Variants in FOXO1 observed in about 807,000 individuals in gnomAD.
FOXO1 encodes the protein forkhead box O1, also known as forkhead box protein O1.
Under a neutral mutation model 44.1 loss-of-function variants are expected in FOXO1, and 6 were observed. The ratio of observed to expected loss-of-function variants is 0.14; its 90% CI spans 0.07 to 0.27. The LOEUF (loss-of-function observed/expected upper bound fraction) is 0.27, where lower values mean the gene tolerates loss of function less well. Ranked by LOEUF, FOXO1 falls within the 10% of genes least tolerant of loss-of-function variation. The probability of loss-of-function intolerance (pLI) is 1.00; values close to 1 mark genes in which losing one functional copy is unlikely to be tolerated. For missense variants in FOXO1, 737 were observed against 888.8 expected, an observed-to-expected ratio of 0.83 and a Z score of 2.17; for synonymous variants, 380 against 362.7, an observed-to-expected ratio of 1.05 and a Z score of -0.54.
At chr13:40,617,438 A>G (rs1452596732) in intron 1 of FOXO1, among the ~76,000 whole-genome samples, 1 of 151,594 alleles carries the variant, frequency 6.6e-6, no homozygotes, top group Non-Finnish European at 1.5e-5. Flanking sequence ...TCCGTCTCAA[A>G]AAAAAAAAAA....
chr13:40,636,108 G>A (rs1877139921), intron 1 of FOXO1, among the ~76,000 whole-genome samples: 1 of 152,132 alleles, frequency 6.6e-6, no homozygotes, highest in Non-Finnish European at 1.5e-5. Context: ...CCAACTACTT[G>A]GGAGGCGGAG....
intron 1 of FOXO1, among the ~76,000 whole-genome samples, chr13:40,616,419 A>C (rs928711116): frequency 6.6e-6 from 1 of 152,238 alleles, no homozygotes; most frequent in Non-Finnish European, 1.5e-5. Flanking sequence ...ACAAGAACTA[A>C]AACAGGTACT....
chr13:40,618,845 G>A lies in FOXO1; in HGVS notation c.630+46738C>T, dbSNP rs1033744754. 1.9e-5 allele frequency: 10 copies of A among 527,780 alleles called. No individual in the cohort carries two copies. In the Admixed American group the frequency reaches 1.9e-4, roughly 10 times the overall value. 32.7% of individuals were successfully genotyped at this position (527,780 alleles called of 1,614,324 possible). On this transcript the variant is annotated intron_variant, in intron 1 of 2. Transcript: ENST00000379561. Reference sequence around the variant, plus strand: ...AGATGGCAGCAAGAGCATCTCCACAGAGAAGAGGCCTGAGAACTCGATGAA... The same window carrying A: ...AGATGGCAGCAAGAGCATCTCCACAAAGAAGAGGCCTGAGAACTCGATGAA...
At chr13:40,599,066 G>C (rs543414566) in intron 1 of FOXO1, among the ~76,000 whole-genome samples, 1 of 151,304 alleles carries the variant, frequency 6.6e-6, no homozygotes, top group Non-Finnish European at 1.5e-5. Context: ...ATTCCATTAA[G>C]AGCTTTCTAC....
intron 1 of FOXO1, among the ~76,000 whole-genome samples, chr13:40,569,726 T>C (rs1336300720): frequency 2.0e-5 from 3 of 152,222 alleles, no homozygotes; most frequent in Non-Finnish European, 4.4e-5. Flanking sequence ...CAGGATGTTG[T>C]TCAAGTTAAG....
rs903748676 is a variant in FOXO1 at position 40,557,926 on chromosome 13, T to C, written c.*1123A>G. Reference sequence around the variant, plus strand: ...GTTCAGTAGAAGCAGATGAAATTTCTTTAAAATACATACATAAAAACATAT... The same window carrying C: ...GTTCAGTAGAAGCAGATGAAATTTCCTTAAAATACATACATAAAAACATAT... On this transcript the variant is annotated 3_prime_UTR_variant, in exon 3 of 3. Transcript: ENST00000379561. 3 of 152,254 alleles carry C rather than the reference T, an allele frequency of 2.0e-5. No individual in the cohort carries two copies. Among genetic ancestry groups the C allele is most frequent in the Non-Finnish European group, 2.9e-5 (2 of 68,034 alleles). 9.4% of individuals were successfully genotyped at this position (152,254 alleles called of 1,614,324 possible).
At chr13:40,578,079 G>A (rs77976906) in intron 1 of FOXO1, among the ~76,000 whole-genome samples, 37 of 152,150 alleles carry the variant, frequency 2.4e-4, no homozygotes, top group African/African-American at 8.7e-4. Flanking sequence ...TCCCTCAATT[G>A]CCATCTAGTA....
In FOXO1 at chr13:40,651,650, GACAT is replaced by G. The variant is rs1309576080; in HGVS notation, c.630+13929_630+13932del. ...AGACTTCATGTTAATACAAATACATGACATACAAATATACATCTAAATATACATT... is the reference window on the plus strand; with the variant it reads ...AGACTTCATGTTAATACAAATACATGACAAATATACATCTAAATATACATT... On this transcript the variant is annotated intron_variant, in intron 1 of 2. Coordinates refer to ENST00000379561, the MANE Select transcript of FOXO1 (RefSeq NM_002015.4). Among the ~76,000 whole-genome samples the G allele has an allele frequency of 3.3e-5, 5 of 151,512 alleles. No individual in the cohort carries two copies. In the South Asian group the frequency reaches 8.3e-4, roughly 25 times the overall value.
chr13:40,591,424 T>C (rs765501348), intron 1 of FOXO1, among the ~76,000 whole-genome samples: 1 of 152,006 alleles, frequency 6.6e-6, no homozygotes, highest in Non-Finnish European at 1.5e-5. Context: ...GTTGGTGCAA[T>C]TGAATTTTGA....
chr13:40,598,712 A>C (rs776016817), intron 1 of FOXO1, among the ~76,000 whole-genome samples: 1 of 152,158 alleles, frequency 6.6e-6, no homozygotes, highest in Non-Finnish European at 1.5e-5. Context: ...CTCTACTCCC[A>C]GTGTGGTTCT....
rs189158707 is a variant in FOXO1, at chr13:40,643,828, A to G, written c.630+21755T>C. On this transcript the variant is annotated intron_variant, in intron 1 of 2. Transcript: ENST00000379561. The stretch of plus-strand genomic sequence containing the variant: ...ATGCTATTGCTGTATAATACAGCAT[A>G]ATTACACAGCTCCTTCCTTTGAGCA... Among the ~76,000 whole-genome samples the G allele has an allele frequency of 3.1e-3, 473 of 152,346 alleles. 1 individual carries two copies. Among genetic ancestry groups the G allele is most frequent in the Non-Finnish European group, 5.0e-3 (342 of 68,046 alleles).
intron 1 of FOXO1, among the ~76,000 whole-genome samples, chr13:40,612,693 A>T (rs1353363042): frequency 6.6e-6 from 1 of 152,200 alleles, no homozygotes; most frequent in Non-Finnish European, 1.5e-5. Context: ...ACACAGTAAG[A>T]TATTTTGAGA....
chr13:40,610,187 C>T (rs1390186231), intron 1 of FOXO1, among the ~76,000 whole-genome samples: 3 of 152,212 alleles, frequency 2.0e-5, no homozygotes, highest in South Asian at 4.1e-4. Context: ...TAAGGACATC[C>T]GGGGTGCTTT....
intron 1 of FOXO1, among the ~76,000 whole-genome samples, chr13:40,638,239 G>A (rs1252956262): frequency 1.3e-5 from 2 of 152,118 alleles, no homozygotes; most frequent in Non-Finnish European, 2.9e-5. Context: ...TAAGGACCTA[G>A]TAATTTAAAA....
intron 1 of FOXO1, among the ~76,000 whole-genome samples, chr13:40,646,317 A>G (rs1877509732): frequency 7.6e-6 from 1 of 132,032 alleles, no homozygotes. Context: ...TTTGAGATGG[A>G]GTCTCGCTCT....
chr13:40,596,502 G>C (rs1875582923), intron 1 of FOXO1, among the ~76,000 whole-genome samples: 3 of 152,162 alleles, frequency 2.0e-5, no homozygotes, highest in Admixed American at 1.3e-4. Context: ...TCAAATCCCT[G>C]CCAGTTATTA....
intron 1 of FOXO1, among the ~76,000 whole-genome samples, chr13:40,627,989 C>T (rs147632034): frequency 2.6e-4 from 40 of 152,190 alleles, no homozygotes; most frequent in Non-Finnish European, 4.1e-4. Flanking sequence ...ACTGGGTTGG[C>T]AGGGGAACCG....
intron 1 of FOXO1, among the ~76,000 whole-genome samples, chr13:40,659,434 C>G (rs1358601159): frequency 6.6e-6 from 1 of 150,872 alleles, no homozygotes; most frequent in African/African-American, 2.4e-5. Flanking sequence ...GGGGGCTACA[C>G]AGGCTAATTC....
chr13:40,560,564 G>C lies in FOXO1; in HGVS notation c.927C>G (p.Asn309Lys), dbSNP rs1873966690. 6 of 1,614,174 alleles carry C rather than the reference G, an allele frequency of 3.7e-6. No individual in the cohort carries two copies. Among genetic ancestry groups the C allele is most frequent in the Non-Finnish European group, 5.1e-6 (6 of 1,180,034 alleles). ...TAGTTCGAGGGCGAAATGTACTCCA[G>C]TTATCAAAGTCATCATTGCTGTGAG... ...PGSHSNDDFD[N>K]WSTFRPRTSS... The change falls in exon 2 of 3, where the codon AAC (asparagine) becomes AAG (lysine). Residue 309 changes from asparagine to lysine, a missense_variant. Physicochemically the swap from Asn to Lys is moderately conservative, Grantham distance 94. This residue lies in a region of FOXO1 where 136 missense variants were observed against 186.4 expected (regional missense o/e 0.73). Coordinates refer to ENST00000379561, the MANE Select transcript of FOXO1 (RefSeq NM_002015.4). The surrounding 1 kb of genome is among the most constrained non-coding windows in gnomAD (Gnocchi z 5.1).
Sources: gnomAD v4.1 joint callset for allele counts (sites outside exome capture counted in the v4.1 genomes callset) on GRCh38, gnomAD v4.1.1 for gene constraint, gnomAD v4.1.1 regional missense constraint, Gnocchi (gnomAD v3.1) non-coding constraint, MANE v1.5 for transcripts, NCBI Gene and HGNC (gene_info 2026-07-23, HGNC 2026-07-21) for gene names.